TFAP2D: variants seen among roughly 807,000 people sequenced by gnomAD.
TFAP2D encodes transcription factor AP-2-delta.
A neutral mutation model predicts 43.6 loss-of-function variants in TFAP2D; 9 were observed. The observed-to-expected ratio is 0.21, with a 90% CI of 0.12 to 0.36. The LOEUF is 0.36. Ranked by LOEUF, TFAP2D falls within the 10% of genes least tolerant of loss-of-function variation. The pLI is 1.00. For missense variants in TFAP2D, 513 were observed against 561.4 expected (o/e 0.91, Z 0.87); for synonymous variants, 256 against 224.9 (o/e 1.14, Z -1.24).
intron 5 of TFAP2D, among the ~76,000 whole-genome samples, chr6:50,739,902 T>C (rs1769013481): frequency 6.6e-6 from 1 of 152,160 alleles, no homozygotes; most frequent in African/African-American, 2.4e-5. Context: ...AAAAGCAACA[T>C]CAAACTAGTA....
intron 7 of TFAP2D, among the ~76,000 whole-genome samples, chr6:50,755,267 T>C (rs1352913226): frequency 6.6e-6 from 1 of 151,992 alleles, no homozygotes; most frequent in Non-Finnish European, 1.5e-5. Flanking sequence ...AATTTAAATG[T>C]GTGTAATTTC....
intron 7 of TFAP2D, among the ~76,000 whole-genome samples, chr6:50,767,480 C>G (rs991474296): frequency 2.0e-4 from 31 of 152,184 alleles, no homozygotes; most frequent in African/African-American, 6.8e-4. Context: ...GTTTTCTTCC[C>G]ATTGTCCCCT....
chr6:50,763,047 T>C (rs1020951741), intron 7 of TFAP2D, among the ~76,000 whole-genome samples: 1 of 152,130 alleles, frequency 6.6e-6, no homozygotes, highest in Non-Finnish European at 1.5e-5. Context: ...CTTAGTATAT[T>C]GCGACACTAA....
At chr6:50,736,366 A>G (rs78709677) in intron 5 of TFAP2D, among the ~76,000 whole-genome samples, 1,598 of 152,200 alleles carry the variant, frequency 0.01, 21 homozygotes, top group African/African-American at 0.036. Context: ...TTTTTAGACT[A>G]TTAGGTTTCG....
At chr6:50,714,173 CGGT>C (rs1162092707) in intron 1 of TFAP2D, 79 bp downstream of exon 1, 19 of 1,389,322 alleles carry the variant, frequency 1.4e-5, no homozygotes, top group Admixed American at 2.0e-5. Flanking sequence ...GTGGCGGCGG[CGGT>C]GGCAGCCTCC....
intron 7 of TFAP2D, among the ~76,000 whole-genome samples, chr6:50,770,127 A>C (rs1351630240): frequency 1.3e-5 from 2 of 152,200 alleles, no homozygotes; most frequent in African/African-American, 4.8e-5. Context: ...GGTTGGCTTT[A>C]CCCAGTTCTT....
chr6:50,746,300 G>A (rs540362538), intron 6 of TFAP2D, among the ~76,000 whole-genome samples: 4 of 152,080 alleles, frequency 2.6e-5, no homozygotes, highest in East Asian at 1.9e-4. Context: ...ACAGTGGTGC[G>A]ATCATGGCTC....
chr6:50,770,206 A>G lies in TFAP2D; in HGVS notation c.1140-2439A>G, dbSNP rs114623293. On this transcript the variant is annotated intron_variant, in intron 7 of 7. Transcript: ENST00000008391. The stretch of plus-strand genomic sequence containing the variant: ...TTCCATTTGTTGTCCAAGATCCCAG[A>G]TAGATTTCAAATTATTTGGCTTCCC... Among the ~76,000 whole-genome samples the G allele has an allele frequency of 6.7e-3, 1,020 of 152,288 alleles. 8 individuals are homozygous for G. The highest frequency in any genetic ancestry group is 0.023 in the African/African-American group (954 of 41,566).
In TFAP2D at chr6:50,719,247, G is replaced by T. The variant is rs150147524; in HGVS notation, c.598+97G>T. ...GTTGTGCTCAGATTCCTTTTCTGAT[G>T]ATTAAGAAAACAATTATGCTTAGTC... On this transcript the variant is annotated intron_variant, in intron 3 of 7. Coordinates refer to ENST00000008391, the MANE Select transcript of TFAP2D (RefSeq NM_172238.4). 869 of 1,253,418 alleles carry T rather than the reference G, an allele frequency of 6.9e-4. 3 individuals carry two copies. The African/African-American group carries it at 1.0e-2, about 14-fold the overall frequency. The allele number at this position is 1,253,418 out of a possible 1,614,324, so 77.6% of individuals were successfully genotyped here.
chr6:50,741,473 C>T (rs1212073008), intron 5 of TFAP2D, among the ~76,000 whole-genome samples: 1 of 152,038 alleles, frequency 6.6e-6, no homozygotes, highest in Non-Finnish European at 1.5e-5. Flanking sequence ...GTATGTGTTG[C>T]TCCTTTCTAT....
At chr6:50,751,400 A>T in intron 7 of TFAP2D, 76 bp downstream of exon 7, 2 of 996,950 alleles carry the variant, frequency 2.0e-6, no homozygotes, top group African/African-American at 3.2e-5. Flanking sequence ...TTCTATTTAG[A>T]GATACCACTT....
At chr6:50,768,903 C>CA (rs780689293) in intron 7 of TFAP2D, among the ~76,000 whole-genome samples, 1 of 127,888 alleles carries the variant, frequency 7.8e-6, no homozygotes, top group African/African-American at 2.9e-5. Context: ...AACGAAGTGG[C>CA]TTTTTTTTTT....
At chr6:50,719,004 G>T in intron 2 of TFAP2D, 86 bp from the exon 3 acceptor site, 1 of 1,270,256 alleles carries the variant, frequency 7.9e-7, no homozygotes, top group South Asian at 1.3e-5. Flanking sequence ...AGAGTTCAGG[G>T]ATGGGCTAGT....
intron 5 of TFAP2D, among the ~76,000 whole-genome samples, chr6:50,732,757 A>G (rs1296091929): frequency 1.3e-5 from 2 of 152,056 alleles, no homozygotes; most frequent in African/African-American, 2.4e-5. Flanking sequence ...AAATTAGCAA[A>G]TGAACATTTG....
At chr6:50,737,462 T>C (rs938025783) in intron 5 of TFAP2D, among the ~76,000 whole-genome samples, 1 of 152,170 alleles carries the variant, frequency 6.6e-6, no homozygotes, top group African/African-American at 2.4e-5. Flanking sequence ...TTGATTAATA[T>C]AAGTTTAAAT....
At chr6:50,757,203 G>A (rs1769277085) in intron 7 of TFAP2D, among the ~76,000 whole-genome samples, 2 of 148,674 alleles carry the variant, frequency 1.3e-5, no homozygotes, top group Non-Finnish European at 3.0e-5. Context: ...GATGACTAGA[G>A]GATTATCCCA....
intron 5 of TFAP2D, among the ~76,000 whole-genome samples, chr6:50,742,826 G>A (rs760948205): frequency 7.9e-5 from 12 of 152,106 alleles, no homozygotes; most frequent in Middle Eastern, 3.4e-3. Flanking sequence ...GTCAGGTGCT[G>A]TAGCATTATT....
intron 7 of TFAP2D, among the ~76,000 whole-genome samples, chr6:50,769,052 C>A (rs142731034): frequency 6.6e-6 from 1 of 151,406 alleles, no homozygotes; most frequent in South Asian, 2.1e-4. Context: ...CCACCACACC[C>A]GGCTAATTTT....
At chr6:50,755,704 C>T (rs1769255120) in intron 7 of TFAP2D, among the ~76,000 whole-genome samples, 1 of 151,820 alleles carries the variant, frequency 6.6e-6, no homozygotes, top group Non-Finnish European at 1.5e-5. Flanking sequence ...AAACATTCTA[C>T]TGGGAGCCCG....
Sources: allele counts gnomAD v4.1 joint callset (sites outside exome capture counted in the v4.1 genomes callset), GRCh38; gene constraint gnomAD v4.1.1; transcripts MANE v1.5; gene names NCBI Gene and HGNC (gene_info 2026-07-23, HGNC 2026-07-21).